Variants in RNGTT observed in about 807,000 individuals in gnomAD.
RNGTT encodes the protein RNA guanylyltransferase and 5'-phosphatase.
In RNGTT, 33 loss-of-function variants were observed where a neutral mutation model predicts 79.3. The observed-to-expected ratio is 0.42, with a 90% CI of 0.32 to 0.56. The LOEUF (loss-of-function observed/expected upper bound fraction) is 0.56. RNGTT is among the 20% of genes least tolerant of loss of function. The pLI is 0.17. For missense variants in RNGTT, 497 were observed against 739.1 expected, an observed-to-expected ratio of 0.67 and a Z score of 3.80; for synonymous variants, 222 against 235.9, an observed-to-expected ratio of 0.94 and a Z score of 0.54.
intron 13 of RNGTT, among the ~76,000 whole-genome samples, chr6:88,747,770 C>A (rs1777710714): frequency 6.6e-6 from 1 of 152,200 alleles, no homozygotes; most frequent in African/African-American, 2.4e-5. Flanking sequence ...AGATGACCTG[C>A]AGAAGAATCT....
At chr6:88,648,078 C>T (rs902425808) in intron 14 of RNGTT, among the ~76,000 whole-genome samples, 6 of 152,258 alleles carry the variant, frequency 3.9e-5, no homozygotes, top group African/African-American at 1.4e-4. Context: ...AACAGAAACA[C>T]TAACTTCAAC....
At chr6:88,658,274 T>C (rs756937194) in intron 14 of RNGTT, among the ~76,000 whole-genome samples, 7 of 152,142 alleles carry the variant, frequency 4.6e-5, no homozygotes, top group Non-Finnish European at 7.4e-5. Flanking sequence ...ACGTCACCAC[T>C]AGCATAACCA....
intron 8 of RNGTT, among the ~76,000 whole-genome samples, chr6:88,864,962 T>C (rs929594026): frequency 6.6e-6 from 1 of 152,090 alleles, no homozygotes; most frequent in Admixed American, 6.6e-5. Context: ...TTAATGAGTA[T>C]AGAATTTCAG....
At position 88,852,121 on chromosome 6, in the gene RNGTT, G is replaced by T. The variant is rs143228271; in HGVS notation, c.1032+1508C>A. On this transcript the variant is annotated intron_variant, in intron 9 of 15. Transcript: ENST00000369485. The stretch of plus-strand genomic sequence containing the variant: ...TTATTTCTCCTCTAAACTACCTCAG[G>T]ACTTAAATACCTCTCTTTGGGTTAT... Among the ~76,000 whole-genome samples, 419 of 151,838 alleles carry T rather than the reference G, an allele frequency of 2.8e-3. 1 individual carries two copies. Among genetic ancestry groups the T allele is most frequent in the African/African-American group, 9.4e-3 (389 of 41,432 alleles).
chr6:88,929,287 A>G lies in RNGTT; in HGVS notation c.175-20T>C. On this transcript the variant is annotated intron_variant, in intron 2 of 15. Coordinates refer to ENST00000369485, the MANE Select transcript of RNGTT (RefSeq NM_003800.5). ...TTTAACCTAAAAAAAAAAAAAAATGAAAGGGCAAATTTACTAGTAACTTAA... is the reference window on the plus strand; with the variant it reads ...TTTAACCTAAAAAAAAAAAAAAATGGAAGGGCAAATTTACTAGTAACTTAA... 1 of 1,463,802 alleles carries G rather than the reference A, an allele frequency of 6.8e-7. No individual in the cohort carries two copies. The highest frequency in any genetic ancestry group is 9.4e-7 in the Non-Finnish European group (1 of 1,062,036). The allele number at this position is 1,463,802 out of a possible 1,614,324, so 90.7% of individuals were successfully genotyped here. A position where few individuals can be genotyped will look rare whatever the true frequency, so the allele number is the denominator to read the frequency against.
At chr6:88,946,779 C>G (rs1049048466) in intron 1 of RNGTT, among the ~76,000 whole-genome samples, 1 of 147,856 alleles carries the variant, frequency 6.8e-6, no homozygotes, top group Non-Finnish European at 1.5e-5. Context: ...CTCAGTCTGC[C>G]GAATGCCTGC....
intron 6 of RNGTT, among the ~76,000 whole-genome samples, chr6:88,902,549 C>T (rs180677885): frequency 1.6e-4 from 25 of 152,220 alleles, no homozygotes; most frequent in African/African-American, 6.0e-4. Flanking sequence ...CTGCAATGAG[C>T]TATGAACAAG....
chr6:88,643,085 C>A (rs1471808531), intron 14 of RNGTT, among the ~76,000 whole-genome samples: 1 of 152,064 alleles, frequency 6.6e-6, no homozygotes, highest in African/African-American at 2.4e-5. Flanking sequence ...TACACCTAAC[C>A]TACCTAACCT....
intron 13 of RNGTT, among the ~76,000 whole-genome samples, chr6:88,769,079 T>C (rs1011075217): frequency 1.3e-5 from 2 of 152,196 alleles, no homozygotes; most frequent in African/African-American, 2.4e-5. Flanking sequence ...CTATAATTCA[T>C]ATAAGAGAAT....
At position 88,928,548 on chromosome 6, in the gene RNGTT, T is replaced by C. The variant is rs7768830; in HGVS notation, c.367+437A>G. On this transcript the variant is annotated intron_variant, in intron 4 of 15. Transcript: ENST00000369485. The stretch of plus-strand genomic sequence containing the variant: ...CAATAAAAATCTGATGAAGGAATTG[T>C]GCATCAACAAGAGTATAAACTGTGG... 7.7e-3 allele frequency among the ~76,000 whole-genome samples: 1,179 copies of C among 152,246 alleles called. 8 individuals are homozygous for C. The highest frequency in any genetic ancestry group is 0.026 in the African/African-American group (1,090 of 41,540).
intron 14 of RNGTT, among the ~76,000 whole-genome samples, chr6:88,641,620 T>C (rs1037666784): frequency 4.5e-4 from 69 of 152,172 alleles, no homozygotes; most frequent in African/African-American, 1.6e-3. Context: ...TTACAATGAG[T>C]ACAAGCTAAG....
chr6:88,798,868 C>T (rs1779688057), intron 12 of RNGTT, among the ~76,000 whole-genome samples: 2 of 152,160 alleles, frequency 1.3e-5, no homozygotes, highest in Admixed American at 1.3e-4. Context: ...GTTACATTCC[C>T]TTTGAGGTTG....
chr6:88,876,413 A>G (rs906665255), intron 8 of RNGTT, among the ~76,000 whole-genome samples: 3 of 152,180 alleles, frequency 2.0e-5, no homozygotes, highest in Non-Finnish European at 4.4e-5. Flanking sequence ...ACGCGCCTAT[A>G]GTCCCAGCTA....
chr6:88,934,205 G>T (rs780666483), intron 2 of RNGTT, among the ~76,000 whole-genome samples: 2 of 151,940 alleles, frequency 1.3e-5, no homozygotes, highest in Non-Finnish European at 2.9e-5. Flanking sequence ...CTAATTTTTT[G>T]AATTTTTTTA....
intron 13 of RNGTT, among the ~76,000 whole-genome samples, chr6:88,698,259 A>AT (rs1263090542): frequency 0.013 from 1,232 of 97,612 alleles, 191 homozygotes; most frequent in African/African-American, 0.12. Context: ...ATATATATAT[A>AT]AATATATATG....
At chr6:88,740,678 G>A (rs994938557) in intron 13 of RNGTT, among the ~76,000 whole-genome samples, 13 of 152,064 alleles carry the variant, frequency 8.5e-5, no homozygotes, top group Non-Finnish European at 1.3e-4. Flanking sequence ...ACCAAACACT[G>A]CATGTTCTCA....
chr6:88,627,480 C>T (rs1471653958), intron 14 of RNGTT, among the ~76,000 whole-genome samples: 1 of 151,952 alleles, frequency 6.6e-6, no homozygotes, highest in African/African-American at 2.4e-5. Context: ...CCTTTCTCAC[C>T]CATTTTAAAC....
At chr6:88,814,622 G>C (rs1282442665) in intron 11 of RNGTT, among the ~76,000 whole-genome samples, 3 of 152,092 alleles carry the variant, frequency 2.0e-5, no homozygotes, top group Non-Finnish European at 2.9e-5. Flanking sequence ...TATTTGTTTT[G>C]TGGATAGAAA....
At chr6:88,859,580 G>A (rs187493578) in intron 8 of RNGTT, among the ~76,000 whole-genome samples, 20 of 152,294 alleles carry the variant, frequency 1.3e-4, no homozygotes, top group Non-Finnish European at 2.6e-4. Context: ...ATGAACAGGT[G>A]TCCAATAGAG....
Sources: gnomAD v4.1 joint callset for allele counts (sites outside exome capture counted in the v4.1 genomes callset) on GRCh38, gnomAD v4.1.1 for gene constraint, MANE v1.5 for transcripts, NCBI Gene and HGNC (gene_info 2026-07-23, HGNC 2026-07-21) for gene names.